ANO6: variants seen among roughly 807,000 people sequenced by gnomAD.
ANO6 encodes anoctamin 6, also known as anoctamin-6.
A neutral mutation model predicts 117.5 loss-of-function variants in ANO6; 106 were observed. That is an observed-to-expected ratio of 0.90 (90% CI 0.77 to 1.06). The LOEUF is 1.06. Ranked by LOEUF, ANO6 falls within the 50% of genes least tolerant of loss-of-function variation. ANO6 has a pLI of 0.00. For missense variants in ANO6, 955 were observed against 1,121.1 expected (o/e 0.85, Z 2.12); for synonymous variants, 367 against 385.1 (o/e 0.95, Z 0.55).
chr12:45,311,075 G>GT (rs1421003375), intron 2 of ANO6, among the ~76,000 whole-genome samples: 3 of 152,008 alleles, frequency 2.0e-5, no homozygotes, highest in Non-Finnish European at 4.4e-5. Context: ...CATTTTTGGT[G>GT]TTTTGATTTT....
intron 1 of ANO6, among the ~76,000 whole-genome samples, chr12:45,226,851 A>G (rs1445389582): frequency 6.6e-6 from 1 of 151,676 alleles, no homozygotes; most frequent in East Asian, 1.9e-4. Context: ...TTATTTAAAA[A>G]TTTTTATTAT....
Position 45,348,327 on chromosome 12 carries a change from C to A in ANO6, c.633+12C>A, listed in dbSNP as rs1306705463. ...CCAGAAGCCGCATTGTAAGTCTAAA[C>A]CAAATTTAGTTGCTGTCTTGGGGTA... On this transcript the variant is annotated intron_variant, in intron 5 of 19. Transcript: ENST00000320560. The A allele has an allele frequency of 1.9e-6, 3 of 1,613,978 alleles. No individual in the cohort carries two copies. In the East Asian group the frequency reaches 6.7e-5, roughly 36 times the overall value.
chr12:45,424,203 C>T (rs745715574), intron 19 of ANO6, among the ~76,000 whole-genome samples: 11 of 151,742 alleles, frequency 7.2e-5, no homozygotes, highest in Non-Finnish European at 1.6e-4. Flanking sequence ...TATATGTTGT[C>T]CTTACATATG....
chr12:45,230,738 A>C (rs1947561888), intron 1 of ANO6, among the ~76,000 whole-genome samples: 1 of 152,188 alleles, frequency 6.6e-6, no homozygotes, highest in Non-Finnish European at 1.5e-5. Flanking sequence ...CAAATTTAAG[A>C]TTTTAAAGTG....
intron 17 of ANO6, among the ~76,000 whole-genome samples, chr12:45,418,790 A>G (rs1329487258): frequency 2.0e-5 from 3 of 152,244 alleles, no homozygotes; most frequent in Non-Finnish European, 4.4e-5. Flanking sequence ...TTCTTATCCA[A>G]TAATGGCTTT....
chr12:45,241,244 C>T (rs186239460), intron 1 of ANO6, among the ~76,000 whole-genome samples: 16 of 152,252 alleles, frequency 1.1e-4, no homozygotes, highest in Non-Finnish European at 1.9e-4. Context: ...AGGCTTTGTT[C>T]GTTTCTTTTT....
intron 1 of ANO6, among the ~76,000 whole-genome samples, chr12:45,240,440 G>C (rs1458083993): frequency 8.0e-6 from 1 of 124,960 alleles, no homozygotes; most frequent in Non-Finnish European, 1.6e-5. Context: ...GAGCCTGTGT[G>C]TGTCTCTGCA....
chr12:45,373,884 A>G (rs1342436671), intron 9 of ANO6, among the ~76,000 whole-genome samples: 1 of 152,204 alleles, frequency 6.6e-6, no homozygotes, highest in African/African-American at 2.4e-5. Flanking sequence ...AAGGAAATAG[A>G]GACAGAAAAA....
intron 1 of ANO6, among the ~76,000 whole-genome samples, chr12:45,227,894 G>A (rs1592840344): frequency 1.3e-5 from 2 of 152,308 alleles, no homozygotes; most frequent in South Asian, 2.1e-4. Context: ...AGAGCAAAGC[G>A]ATAATTATTG....
At chr12:45,295,985 T>A (rs1454616795) in intron 1 of ANO6, among the ~76,000 whole-genome samples, 1 of 151,802 alleles carries the variant, frequency 6.6e-6, no homozygotes, top group Non-Finnish European at 1.5e-5. Flanking sequence ...CTCAGCCTCC[T>A]GAGTAGCTGG....
Position 45,421,278 on chromosome 12 carries a change from G to A in ANO6, c.2420+5G>A. 1 of 1,613,726 alleles carries A rather than the reference G, an allele frequency of 6.2e-7. No individual in the cohort carries two copies. Among genetic ancestry groups the A allele is most frequent in the South Asian group, 1.1e-5 (1 of 91,038 alleles). On this transcript the variant is annotated splice_donor_5th_base_variant and intron_variant, in intron 18 of 19. Coordinates refer to ENST00000320560, the MANE Select transcript of ANO6 (RefSeq NM_001025356.3). The stretch of plus-strand genomic sequence containing the variant: ...GGGTAACCATACCACATGCAGGCAA[G>A]TTCTGCTTTACTTGTTTAAAAATGC...
intron 1 of ANO6, among the ~76,000 whole-genome samples, chr12:45,255,818 G>GTTTTTTTTTTTTTT (rs551517877): frequency 1.1e-4 from 9 of 81,694 alleles, no homozygotes; most frequent in African/African-American, 2.7e-4. Context: ...CTCCCTGGGT[G>GTTTTTTTTTTTTTT]TTTTTTTTTT....
chr12:45,262,735 T>A (rs1247769517), intron 1 of ANO6, among the ~76,000 whole-genome samples: 1 of 152,212 alleles, frequency 6.6e-6, no homozygotes, highest in African/African-American at 2.4e-5. Context: ...TCCAGAGCTT[T>A]TCATCATCAG....
At position 45,430,988 on chromosome 12, in the gene ANO6, T is replaced by G; in HGVS notation, c.*1677T>G. On this transcript the variant is annotated 3_prime_UTR_variant, in exon 20 of 20. Coordinates refer to ENST00000320560, the MANE Select transcript of ANO6 (RefSeq NM_001025356.3). The stretch of plus-strand genomic sequence containing the variant: ...GGAAAACTCAGATTTTAGAGGCTTT[T>G]TACAATAAAGTAGCGTAACTCTAGG... The G allele has an allele frequency of 1.0e-6, 1 of 985,444 alleles. No homozygotes were observed. Among genetic ancestry groups the G allele is most frequent in the Non-Finnish European group, 1.2e-6 (1 of 829,950 alleles). The allele number at this position is 985,444 out of a possible 1,614,324, so 61.0% of individuals were successfully genotyped here.
In ANO6 at chr12:45,342,502, T is replaced by C. The variant is rs138296017; in HGVS notation, c.280-4520T>C. 2.0e-5 allele frequency among the ~76,000 whole-genome samples: 3 copies of C among 152,238 alleles called. No homozygotes were observed. In the East Asian group the frequency reaches 5.8e-4, roughly 29 times the overall value. ...CCCTATGCTCTCTATCTGGTGTTGG[T>C]GTACTTCAGAATTAAACTGCATCTC... On this transcript the variant is annotated intron_variant, in intron 3 of 19. Coordinates refer to ENST00000320560, the MANE Select transcript of ANO6 (RefSeq NM_001025356.3).
intron 8 of ANO6, among the ~76,000 whole-genome samples, chr12:45,363,750 G>T (rs1378521439): frequency 6.6e-6 from 1 of 152,038 alleles, no homozygotes. Flanking sequence ...TGTTCTCATG[G>T]TAGTGAATAA....
At chr12:45,254,091 C>T (rs1239692102) in intron 1 of ANO6, among the ~76,000 whole-genome samples, 4 of 152,114 alleles carry the variant, frequency 2.6e-5, no homozygotes, top group East Asian at 3.9e-4. Context: ...CGCTTGAACC[C>T]GGGAGGCGGA....
At chr12:45,411,916 C>T (rs548562953) in intron 16 of ANO6, among the ~76,000 whole-genome samples, 28 of 152,168 alleles carry the variant, frequency 1.8e-4, no homozygotes, top group African/African-American at 6.3e-4. Context: ...TGCTAGAGCG[C>T]CAGTGCCTGG....
At chr12:45,351,813 A>G (rs1384352407) in intron 7 of ANO6, among the ~76,000 whole-genome samples, 3 of 152,156 alleles carry the variant, frequency 2.0e-5, no homozygotes, top group African/African-American at 7.2e-5. Context: ...AAGAGTTTAG[A>G]CTTTAATTGC....
Sources: allele counts gnomAD v4.1 joint callset (sites outside exome capture counted in the v4.1 genomes callset), GRCh38; gene constraint gnomAD v4.1.1; transcripts MANE v1.5; gene names NCBI Gene and HGNC (gene_info 2026-07-23, HGNC 2026-07-21).